Variants in DMXL2 observed in about 807,000 individuals in gnomAD.
DMXL2 encodes the protein Dmx like 2.
A neutral mutation model predicts 331.1 loss-of-function variants in DMXL2; 103 were observed. The observed-to-expected ratio is 0.31, with a 90% confidence interval of 0.27 to 0.37. DMXL2 has a LOEUF of 0.37. DMXL2 is among the 10% of genes least tolerant of loss of function. DMXL2 has a pLI of 1.00. For missense variants in DMXL2, 3,171 were observed against 3,642.9 expected (o/e 0.87, Z 3.33); for synonymous variants, 1,281 against 1,252.1 (o/e 1.02, Z -0.49).
At chr15:51,454,717 G>A (rs1019566016) in intron 40 of DMXL2, among the ~76,000 whole-genome samples, 1 of 152,038 alleles carries the variant, frequency 6.6e-6, no homozygotes, top group Non-Finnish European at 1.5e-5. Context: ...GGCTGGTCTC[G>A]AACTCCTGAC....
chr15:51,532,434 A>T (rs1282632475), intron 13 of DMXL2, among the ~76,000 whole-genome samples: 1 of 152,168 alleles, frequency 6.6e-6, no homozygotes, highest in Non-Finnish European at 1.5e-5. Flanking sequence ...TGTACAAAAA[A>T]ATAGTTAGAA....
chr15:51,465,025 G>A, intron 31 of DMXL2, 149 bp from the exon 32 acceptor site: 4 of 734,356 alleles, frequency 5.4e-6, no homozygotes, highest in Non-Finnish European at 8.6e-6. Flanking sequence ...GATTCTTAAT[G>A]CTTTCAACAA....
chr15:51,480,217 A>G, intron 24 of DMXL2, 78 bp from the exon 25 acceptor site: 1 of 1,338,026 alleles, frequency 7.5e-7, no homozygotes, highest in Non-Finnish European at 1.0e-6. Context: ...TACTGGTGAT[A>G]AACATTGTGT....
intron 14 of DMXL2, among the ~76,000 whole-genome samples, chr15:51,515,749 C>G (rs983876878): frequency 6.6e-6 from 1 of 152,118 alleles, no homozygotes; most frequent in Admixed American, 6.6e-5. Context: ...AAAAAAACTG[C>G]TTTGTGAGAG....
intron 20 of DMXL2, among the ~76,000 whole-genome samples, chr15:51,490,065 C>A (rs759663103): frequency 1.3e-5 from 2 of 152,172 alleles, no homozygotes; most frequent in Non-Finnish European, 2.9e-5. Flanking sequence ...TCATTTATAT[C>A]CTTTAACAAT....
intron 13 of DMXL2, among the ~76,000 whole-genome samples, chr15:51,524,892 A>T (rs1380749572): frequency 6.6e-6 from 1 of 151,984 alleles, no homozygotes; most frequent in Non-Finnish European, 1.5e-5. Flanking sequence ...GGAGGCATGC[A>T]ACCTACTGAG....
At chr15:51,570,482 A>G (rs1159862948) in intron 2 of DMXL2, among the ~76,000 whole-genome samples, 1 of 152,148 alleles carries the variant, frequency 6.6e-6, no homozygotes, top group East Asian at 1.9e-4. Context: ...ACCCCAAGAC[A>G]CATAATCATC....
chr15:51,553,680 C>T (rs1047038314), intron 6 of DMXL2, among the ~76,000 whole-genome samples: 19 of 152,078 alleles, frequency 1.2e-4, no homozygotes, highest in Non-Finnish European at 4.4e-5. Flanking sequence ...CATCTACATC[C>T]ACTTAATGAA....
At chr15:51,544,921 A>G (rs1341954467) in intron 8 of DMXL2, among the ~76,000 whole-genome samples, 8 of 152,132 alleles carry the variant, frequency 5.3e-5, no homozygotes, top group Non-Finnish European at 8.8e-5. Flanking sequence ...TAAGTTTACT[A>G]TAATAAATTT....
intron 43 of DMXL2, among the ~76,000 whole-genome samples, chr15:51,449,657 T>C (rs2038963185): frequency 6.6e-6 from 1 of 152,172 alleles, no homozygotes; most frequent in Admixed American, 6.5e-5. Flanking sequence ...AAGTTGAAAA[T>C]ATTAAGTTGA....
At chr15:51,609,105 T>C (rs2414110) in intron 1 of DMXL2, among the ~76,000 whole-genome samples, 70,498 of 151,700 alleles carry the variant, frequency 0.46, 16,863 homozygotes, top group Non-Finnish European at 0.52. Context: ...AAGTTAAGAA[T>C]GCATCCTGTA....
rs755692074 is a variant in DMXL2, at chr15:51,448,979, A to C, written c.*5T>G. The C allele has an allele frequency of 1.4e-5, 22 of 1,613,732 alleles. No homozygotes were observed. The South Asian group carries it at 2.4e-4, about 18-fold the overall frequency. ...GAAATGTATATAAAAATAAAACCCC[A>C]ATCTTTATAGAATGTCAAGAATTCT... On this transcript the variant is annotated 3_prime_UTR_variant, in exon 44 of 44. Transcript: ENST00000560891.
rs141616331 is a variant in DMXL2, at chr15:51,483,347, G to A, written c.5483-1724C>T. 6.6e-5 allele frequency among the ~76,000 whole-genome samples: 10 copies of A among 152,288 alleles called. No individual in the cohort carries two copies. In the East Asian group the frequency reaches 7.7e-4, roughly 12 times the overall value. On this transcript the variant is annotated intron_variant, in intron 23 of 43. Coordinates refer to ENST00000560891, the MANE Select transcript of DMXL2 (RefSeq NM_001378457.1). ...TGTACCTCTCCAACACTGGGGACCC[G>A]TCTTCATTCCAAGCCTACATGGGTA...
chr15:51,599,449 C>G (rs946952768), intron 1 of DMXL2, among the ~76,000 whole-genome samples: 2 of 152,126 alleles, frequency 1.3e-5, no homozygotes, highest in African/African-American at 4.8e-5. Context: ...TATCTATTTT[C>G]AACTGTCCAC....
rs931651431 is a variant in DMXL2, at chr15:51,622,720, G to A, written c.-175C>T. 1.3e-4 allele frequency: 169 copies of A among 1,301,870 alleles called. No individual in the cohort carries two copies. Among genetic ancestry groups the A allele is most frequent in the Non-Finnish European group, 1.7e-4 (164 of 985,696 alleles). The allele number at this position is 1,301,870 out of a possible 1,614,324, so 80.6% of individuals were successfully genotyped here. On this transcript the variant is annotated 5_prime_UTR_variant, in exon 1 of 44. Coordinates refer to ENST00000560891, the MANE Select transcript of DMXL2 (RefSeq NM_001378457.1). Reference sequence around the variant, plus strand: ...CTTCCCTCCGCCTCGTCCCTGCCATGGGAGCTCCTCGACCGCCGCCGCCGC... The same window carrying A: ...CTTCCCTCCGCCTCGTCCCTGCCATAGGAGCTCCTCGACCGCCGCCGCCGC...
intron 13 of DMXL2, among the ~76,000 whole-genome samples, chr15:51,535,028 T>C (rs2048209123): frequency 6.6e-6 from 1 of 152,308 alleles, no homozygotes; most frequent in African/African-American, 2.4e-5. Flanking sequence ...TCCTTAAAGG[T>C]AGGTCTGAAA....
At chr15:51,549,192 T>A (rs1051716621) in intron 6 of DMXL2, among the ~76,000 whole-genome samples, 1 of 152,156 alleles carries the variant, frequency 6.6e-6, no homozygotes, top group Non-Finnish European at 1.5e-5. Context: ...CTCCCACTTA[T>A]GAGTGAGAAC....
chr15:51,465,665 G>A lies in DMXL2; in HGVS notation c.7521-14C>T. 1 of 1,532,524 alleles carries A rather than the reference G, an allele frequency of 6.5e-7. No individual in the cohort carries two copies. The highest frequency in any genetic ancestry group is 2.1e-5 in the Admixed American group (1 of 48,548). The allele number at this position is 1,532,524 out of a possible 1,614,324, so 94.9% of individuals were successfully genotyped here. A position where few individuals can be genotyped will look rare whatever the true frequency, so the allele number is the denominator to read the frequency against. On this transcript the variant is annotated splice_polypyrimidine_tract_variant and intron_variant, in intron 30 of 43. Transcript: ENST00000560891. ...AGAAGAGCCCAGCTGTTCAAGGAGG[G>A]GCAAAAAGAGTCTTTAAGTGAAAAA...
Position 51,481,531 on chromosome 15 carries a change from C to G in DMXL2, c.5575G>C (p.Glu1859Gln). 6.2e-7 allele frequency: 1 copy of G among 1,612,408 alleles called. No individual in the cohort carries two copies. The highest frequency in any genetic ancestry group is 8.5e-7 in the Non-Finnish European group (1 of 1,179,580). The change falls in exon 24 of 44, where the codon GAA (glutamate) becomes CAA (glutamine). Residue 1859 changes from glutamate to glutamine, a missense_variant. Coordinates refer to ENST00000560891, the MANE Select transcript of DMXL2 (RefSeq NM_001378457.1). ...LLIRRNLASP[E>Q]GTLATLGLKT... ...AGACCTAAGGTTGCCAAAGTTCCTT[C>G]AGGGGAGGCAAGATTTCTTCGAATG...
Sources: gnomAD v4.1 joint callset for allele counts (sites outside exome capture counted in the v4.1 genomes callset) on GRCh38, gnomAD v4.1.1 for gene constraint, MANE v1.5 for transcripts, NCBI Gene and HGNC (gene_info 2026-07-23, HGNC 2026-07-21) for gene names.